NDC1: variants seen among roughly 807,000 people sequenced by gnomAD.
NDC1 encodes the protein NDC1 transmembrane nucleoporin, also known as nucleoporin NDC1.
Under a neutral mutation model 89.8 loss-of-function variants are expected in NDC1, and 24 were observed. The observed-to-expected ratio is 0.27, with a 90% CI of 0.19 to 0.38. NDC1 has a LOEUF of 0.38. NDC1 is among the 10% of genes least tolerant of loss of function. NDC1 has a pLI of 1.00. For synonymous variants in NDC1, 296 were observed against 284.8 expected (o/e 1.04, Z -0.39); for missense variants, 728 against 797.6 (o/e 0.91, Z 1.05).
intron 16 of NDC1, among the ~76,000 whole-genome samples, chr1:53,784,022 C>A (rs1647247602): frequency 6.6e-6 from 1 of 152,022 alleles, no homozygotes; most frequent in African/African-American, 2.4e-5. Flanking sequence ...TATGAAGAAC[C>A]AGAAATTCTG....
intron 14 of NDC1, among the ~76,000 whole-genome samples, chr1:53,790,087 G>A (rs913807197): frequency 1.3e-5 from 2 of 151,458 alleles, no homozygotes; most frequent in Admixed American, 6.6e-5. Flanking sequence ...TGGGATAGCT[G>A]GAAGTGGTGG....
chr1:53,787,202 T>C lies in NDC1; in HGVS notation c.1756A>G (p.Thr586Ala). The change falls in exon 16 of 18, where the codon ACG becomes GCG. Residue 586 changes from threonine (T) to alanine (A), a missense_variant. Thr to Ala is a moderately conservative substitution (Grantham distance 58, BLOSUM62 0). Coordinates refer to ENST00000371429, the MANE Select transcript of NDC1 (RefSeq NM_018087.5). Reference sequence around the variant, plus strand: ...GTATTAAGGATAGCTGGTAGTGTCGTCTGGACAACTCCAAATCTATCCTCT... The same window carrying C: ...GTATTAAGGATAGCTGGTAGTGTCGCCTGGACAACTCCAAATCTATCCTCT... ...FTEDRFGVVQTTLPAILNTLL... is the reference protein window; with the variant it reads ...FTEDRFGVVQATLPAILNTLL... 1 of 1,611,170 alleles carries C rather than the reference T, an allele frequency of 6.2e-7. No homozygotes were observed. The highest frequency in any genetic ancestry group is 8.5e-7 in the Non-Finnish European group (1 of 1,178,964).
intron 14 of NDC1, 112 bp downstream of exon 14, chr1:53,793,113 CCTAG>C: frequency 1.1e-6 from 1 of 901,358 alleles, no homozygotes; most frequent in Non-Finnish European, 1.8e-6. Flanking sequence ...TGCAAAGCTG[CCTAG>C]CTTGCTAGGA....
At chr1:53,778,270 C>CACACATAT (rs940580457) in intron 16 of NDC1, among the ~76,000 whole-genome samples, 3 of 150,996 alleles carry the variant, frequency 2.0e-5, no homozygotes, top group African/African-American at 7.3e-5. Flanking sequence ...TACACACACA[C>CACACATAT]ACACACACAC....
chr1:53,803,853 G>A (rs1022837797), intron 10 of NDC1, 75 bp downstream of exon 10: 45 of 1,146,752 alleles, frequency 3.9e-5, no homozygotes, highest in Non-Finnish European at 5.3e-5. Context: ...TTACAGGCTT[G>A]AGCCACCATG....
intron 11 of NDC1, among the ~76,000 whole-genome samples, chr1:53,797,437 T>G (rs1557575397): frequency 6.6e-6 from 1 of 152,230 alleles, no homozygotes; most frequent in Non-Finnish European, 1.5e-5. Flanking sequence ...CAATTTTGAA[T>G]GAACTCATCA....
At chr1:53,795,012 T>G (rs964364225) in intron 13 of NDC1, among the ~76,000 whole-genome samples, 3 of 152,200 alleles carry the variant, frequency 2.0e-5, no homozygotes, top group Non-Finnish European at 4.4e-5. Context: ...CAATCTCTCC[T>G]GAACTCATGC....
At chr1:53,779,256 T>C (rs2100627068) in intron 16 of NDC1, among the ~76,000 whole-genome samples, 1 of 152,256 alleles carries the variant, frequency 6.6e-6, no homozygotes, top group East Asian at 1.9e-4. Context: ...TCATTTACTC[T>C]TCATAACCCT....
chr1:53,826,484 G>A (rs1055963201), intron 4 of NDC1, among the ~76,000 whole-genome samples: 1 of 152,104 alleles, frequency 6.6e-6, no homozygotes, highest in Non-Finnish European at 1.5e-5. Flanking sequence ...GTGGCTATGG[G>A]ACTTATCATC....
rs188613919 is a variant in NDC1, at chr1:53,802,746, C to T, written c.1066+1182G>A. Among the ~76,000 whole-genome samples, 363 of 152,256 alleles carry T rather than the reference C, an allele frequency of 2.4e-3. 2 individuals are homozygous for T. Among genetic ancestry groups the T allele is most frequent in the African/African-American group, 8.5e-3 (351 of 41,532 alleles). On this transcript the variant is annotated intron_variant, in intron 10 of 17. Transcript: ENST00000371429. The stretch of plus-strand genomic sequence containing the variant: ...CAGTGCCTGGGACTGGACTGTTTTC[C>T]CTCTAGGAACAACAGAGAACTGGCA...
intron 4 of NDC1, among the ~76,000 whole-genome samples, chr1:53,826,844 A>G (rs1648880196): frequency 6.6e-6 from 1 of 152,174 alleles, no homozygotes; most frequent in South Asian, 2.1e-4. Context: ...GAGTTACAAA[A>G]TGATGAAGAT....
intron 1 of NDC1, 124 bp downstream of exon 1, chr1:53,838,080 TC>T: frequency 2.4e-6 from 2 of 846,246 alleles, no homozygotes; most frequent in Non-Finnish European, 1.8e-6. Context: ...AGTGGTGCCT[TC>T]CCCACGCGTT....
At position 53,823,326 on chromosome 1, in the gene NDC1, A is replaced by G. The variant is rs190264035; in HGVS notation, c.594+2472T>C. Among the ~76,000 whole-genome samples, 87 of 152,358 alleles carry G rather than the reference A, an allele frequency of 5.7e-4. 1 individual carries two copies. In the East Asian group the frequency reaches 0.016, roughly 28 times the overall value. On this transcript the variant is annotated intron_variant, in intron 5 of 17. Transcript: ENST00000371429. ...ATATTTTTTGACCAAATACTGAATT[A>G]CCAATTATCAAAAATCAATACTCTG...
At chr1:53,813,451 T>C (rs143690603) in intron 6 of NDC1, among the ~76,000 whole-genome samples, 1,583 of 152,182 alleles carry the variant, frequency 0.01, 18 homozygotes, top group Middle Eastern at 0.044. Flanking sequence ...TTCATGCAAG[T>C]GGACACTAAA....
Position 53,772,460 on chromosome 1 carries a change from A to G in NDC1, c.1830T>C (p.His610=). 2 of 1,613,508 alleles carry G rather than the reference A, an allele frequency of 1.2e-6. No homozygotes were observed. Among genetic ancestry groups the G allele is most frequent in the Non-Finnish European group, 1.7e-6 (2 of 1,179,578 alleles). ...AAATCCGGGGTGGTTTACTGGAAGC[A>G]TGAGGAAGCTTAAAGTACTTGTCGA... ...EAVDKYFKLP[H]ASSKPPRISG... is the part of the protein sequence containing the mutation. The change falls in exon 17 of 18, where the codon CAT becomes CAC. Residue 610 remains histidine (H), a synonymous_variant. Coordinates refer to ENST00000371429, the MANE Select transcript of NDC1 (RefSeq NM_018087.5).
At chr1:53,786,367 T>G (rs993852772) in intron 16 of NDC1, among the ~76,000 whole-genome samples, 1 of 152,240 alleles carries the variant, frequency 6.6e-6, no homozygotes, top group Non-Finnish European at 1.5e-5. Context: ...AGAAAGCATG[T>G]GTTTTATTTT....
intron 6 of NDC1, among the ~76,000 whole-genome samples, chr1:53,817,802 A>G (rs1204089460): frequency 6.6e-6 from 1 of 152,190 alleles, no homozygotes; most frequent in African/African-American, 2.4e-5. Flanking sequence ...TATCCATAGA[A>G]AATATAGGAT....
At chr1:53,785,026 G>A (rs923834165) in intron 16 of NDC1, among the ~76,000 whole-genome samples, 1 of 151,898 alleles carries the variant, frequency 6.6e-6, no homozygotes, top group Non-Finnish European at 1.5e-5. Context: ...CACTGCTAAT[G>A]CCCTGCAATC....
Position 53,794,135 on chromosome 1 carries a change from C to A in NDC1, c.1585-856G>T, listed in dbSNP as rs866360082. On this transcript the variant is annotated intron_variant, in intron 13 of 17. Transcript: ENST00000371429. ...GGACTACAGGAATGCACCACCACAC[C>A]CAGCTAATTTTTGTATTTTTAGTAG... Among the ~76,000 whole-genome samples, 6 of 152,118 alleles carry A rather than the reference C, an allele frequency of 3.9e-5. No homozygotes were observed. The South Asian group carries it at 8.3e-4, about 21-fold the overall frequency.
Sources: allele counts gnomAD v4.1 joint callset (sites outside exome capture counted in the v4.1 genomes callset), GRCh38; gene constraint gnomAD v4.1.1; transcripts MANE v1.5; gene names NCBI Gene and HGNC (gene_info 2026-07-23, HGNC 2026-07-21).